Variants in ITGB5 observed in about 807,000 individuals in gnomAD.
ITGB5 encodes integrin subunit beta 5, also known as integrin beta-5.
Under a neutral mutation model 84.8 loss-of-function variants are expected in ITGB5, and 38 were observed. The observed-to-expected ratio is 0.45, with a 90% CI of 0.35 to 0.59. The LOEUF (loss-of-function observed/expected upper bound fraction) is 0.59, where lower values mean the gene tolerates loss of function less well. Among genes scored for constraint, ITGB5 ranks in the 20% least tolerant of loss-of-function variants. The pLI is 0.01. For synonymous variants in ITGB5, 393 were observed against 414.4 expected (o/e 0.95, Z 0.63); for missense variants, 905 against 1,034.5 (o/e 0.87, Z 1.72).
intron 8 of ITGB5, among the ~76,000 whole-genome samples, chr3:124,813,695 T>A (rs2064540649): frequency 6.6e-6 from 1 of 152,154 alleles, no homozygotes; most frequent in Non-Finnish European, 1.5e-5. Flanking sequence ...AACTTCCCTG[T>A]CCTCTCTGGT....
At chr3:124,766,004 G>T (rs1227795029) in intron 13 of ITGB5, among the ~76,000 whole-genome samples, 1 of 150,450 alleles carries the variant, frequency 6.6e-6, no homozygotes, top group Non-Finnish European at 1.5e-5. Flanking sequence ...AGGCTGCAGT[G>T]AGCTGTGATG....
intron 8 of ITGB5, 132 bp downstream of exon 8, chr3:124,817,489 T>C: frequency 1.8e-6 from 1 of 567,548 alleles, no homozygotes; most frequent in Non-Finnish European, 3.1e-6. Context: ...GATACCAAAC[T>C]CAAGGGGATG....
intron 1 of ITGB5, among the ~76,000 whole-genome samples, chr3:124,896,150 T>C (rs1935097362): frequency 6.6e-6 from 1 of 152,218 alleles, no homozygotes; most frequent in South Asian, 2.1e-4. Context: ...ACGGGTGGAC[T>C]CTAAAAATGA....
intron 9 of ITGB5, among the ~76,000 whole-genome samples, chr3:124,805,174 A>T: frequency 7.8e-6 from 1 of 128,670 alleles, no homozygotes; most frequent in Non-Finnish European, 1.6e-5. Context: ...ACAGGGTCTC[A>T]CTCTGTCACC....
chr3:124,767,130 G>A (rs1415167830), intron 12 of ITGB5, among the ~76,000 whole-genome samples: 1 of 152,218 alleles, frequency 6.6e-6, no homozygotes, highest in Non-Finnish European at 1.5e-5. Context: ...AAGGAACTAG[G>A]GGAAGTGCAA....
In ITGB5 at chr3:124,848,473, G is replaced by A. The variant is rs1324392037; in HGVS notation, c.447C>T (p.Ser149=). Residue 149 remains serine, a synonymous_variant, in exon 4 of 15, where the codon TCC becomes TCT. Transcript: ENST00000296181. ...DLYYLMDLSL[S]MKDDLDNIRS... ...GGATATTGTCCAAGTCATCCTTCAT[G>A]GACAGGGAGAGGTCCATCAGGTAGT... 1.9e-6 allele frequency: 3 copies of A among 1,614,044 alleles called. No individual in the cohort carries two copies. Among genetic ancestry groups the A allele is most frequent in the Non-Finnish European group, 2.5e-6 (3 of 1,180,040 alleles).
In ITGB5 at chr3:124,787,165, C is replaced by A. The variant is rs2064093584; in HGVS notation, c.1693+9223G>T. ...TTCAAAGGCACACACAGAATCCTCG[C>A]CACGGGGTTCTGTTGGCAAACTTCT... On this transcript the variant is annotated intron_variant, in intron 10 of 14. Transcript: ENST00000296181. Among the ~76,000 whole-genome samples, 3 of 152,294 alleles carry A rather than the reference C, an allele frequency of 2.0e-5. No individual in the cohort carries two copies. The South Asian group carries it at 6.2e-4, about 32-fold the overall frequency.
chr3:124,859,044 T>C (rs1257948156), intron 3 of ITGB5, among the ~76,000 whole-genome samples, 198 bp downstream of exon 3: 1 of 152,222 alleles, frequency 6.6e-6, no homozygotes, highest in Non-Finnish European at 1.5e-5. Flanking sequence ...GATCTTCCTC[T>C]GTCCACAGGA....
intron 5 of ITGB5, among the ~76,000 whole-genome samples, chr3:124,837,573 G>T (rs73199529): frequency 0.015 from 2,293 of 152,324 alleles, 30 homozygotes; most frequent in Non-Finnish European, 0.023. Flanking sequence ...TCCATTCATA[G>T]AAACAGGGTC....
intron 9 of ITGB5, among the ~76,000 whole-genome samples, chr3:124,805,192 G>T (rs1273968548): frequency 6.6e-6 from 1 of 150,666 alleles, no homozygotes; most frequent in Non-Finnish European, 1.5e-5. Flanking sequence ...ACCCAGGCTG[G>T]AGTGCAGTGT....
chr3:124,809,224 G>A, intron 8 of ITGB5, 68 bp from the exon 9 acceptor site: 2 of 1,565,208 alleles, frequency 1.3e-6, no homozygotes, highest in Non-Finnish European at 1.7e-6. Flanking sequence ...TCCCACACTG[G>A]TTTTCTGAGG....
At chr3:124,815,886 G>T (rs546076451) in intron 8 of ITGB5, among the ~76,000 whole-genome samples, 1 of 152,320 alleles carries the variant, frequency 6.6e-6, no homozygotes, top group African/African-American at 2.4e-5. Flanking sequence ...AGGCACTACG[G>T]TGTAAAGTTA....
At chr3:124,893,851 A>G (rs535529588) in intron 1 of ITGB5, among the ~76,000 whole-genome samples, 39 of 152,302 alleles carry the variant, frequency 2.6e-4, no homozygotes, top group Non-Finnish European at 4.9e-4. Flanking sequence ...ACATAGGGAT[A>G]GGTGTTTCTC....
At chr3:124,885,189 G>C (rs1411718541) in intron 1 of ITGB5, among the ~76,000 whole-genome samples, 3 of 152,072 alleles carry the variant, frequency 2.0e-5, no homozygotes, top group African/African-American at 2.4e-5. Flanking sequence ...AGAATTGCTT[G>C]AACCTGGGAG....
At chr3:124,882,228 G>A (rs1034470166) in intron 1 of ITGB5, among the ~76,000 whole-genome samples, 2 of 152,212 alleles carry the variant, frequency 1.3e-5, no homozygotes, top group Admixed American at 6.5e-5. Flanking sequence ...CCTTATTCAC[G>A]GAGCTCACAT....
chr3:124,806,472 C>T (rs1260513195), intron 9 of ITGB5, among the ~76,000 whole-genome samples: 5 of 120,418 alleles, frequency 4.2e-5, no homozygotes, highest in African/African-American at 9.7e-5. Flanking sequence ...CTCACTCTGT[C>T]GCCCAGGCTG....
intron 10 of ITGB5, among the ~76,000 whole-genome samples, chr3:124,794,355 C>G (rs1164583322): frequency 6.6e-6 from 1 of 152,118 alleles, no homozygotes; most frequent in African/African-American, 2.4e-5. Flanking sequence ...ATTAAGGGCT[C>G]CAACACAACA....
At chr3:124,844,278 G>A (rs1579284978) in intron 4 of ITGB5, among the ~76,000 whole-genome samples, 1 of 151,990 alleles carries the variant, frequency 6.6e-6, no homozygotes, top group East Asian at 1.9e-4. Flanking sequence ...AATAGGTGGG[G>A]GCTGGGTGCA....
chr3:124,763,541 G>A lies in ITGB5; in HGVS notation c.*82C>T. The A allele has an allele frequency of 1.2e-6, 1 of 823,528 alleles. No homozygotes were observed. Among genetic ancestry groups the A allele is most frequent in the South Asian group, 1.5e-5 (1 of 65,210 alleles). The allele number at this position is 823,528 out of a possible 1,614,324, so 51.0% of individuals were successfully genotyped here. A position where few individuals can be genotyped will look rare whatever the true frequency, so the allele number is the denominator to read the frequency against. ...CTGTGGTGCCTACCTAGGGAGCTGTGATCAAGCCGAGCAGCCGTGCAAGGC... is the reference window on the plus strand; with the variant it reads ...CTGTGGTGCCTACCTAGGGAGCTGTAATCAAGCCGAGCAGCCGTGCAAGGC... On this transcript the variant is annotated 3_prime_UTR_variant, in exon 15 of 15. Coordinates refer to ENST00000296181, the MANE Select transcript of ITGB5 (RefSeq NM_002213.5).
Sources: gnomAD v4.1 joint callset for allele counts (sites outside exome capture counted in the v4.1 genomes callset) on GRCh38, gnomAD v4.1.1 for gene constraint, MANE v1.5 for transcripts, NCBI Gene and HGNC (gene_info 2026-07-23, HGNC 2026-07-21) for gene names.